Variants in ATP5F1A observed in about 807,000 individuals in gnomAD.
ATP5F1A encodes ATP synthase F(1) complex subunit alpha, mitochondrial.
In ATP5F1A, 24 loss-of-function variants were observed where a neutral mutation model predicts 57.4. That is an observed-to-expected ratio of 0.42 (90% CI 0.30 to 0.59). The LOEUF is 0.59. Among genes scored for constraint, ATP5F1A ranks in the 20% least tolerant of loss-of-function variants. The pLI is 0.19. For missense variants in ATP5F1A, 494 were observed against 707.9 expected (o/e 0.70, Z 3.43); for synonymous variants, 251 against 255.5 (o/e 0.98, Z 0.17).
intron 6 of ATP5F1A, 101 bp from the exon 7 acceptor site, chr18:46,087,593 A>G (rs903903050): frequency 1.4e-6 from 2 of 1,392,196 alleles, no homozygotes; most frequent in African/African-American, 2.9e-5. Flanking sequence ...ATTAAGAGTT[A>G]ATCAGGCCAG....
chr18:46,097,866 C>T (rs1599793456), intron 1 of ATP5F1A: 1 of 1,189,974 alleles, frequency 8.4e-7, no homozygotes, highest in East Asian at 3.8e-5. Flanking sequence ...AGAGCTAGCG[C>T]CCAAGCCCTG....
chr18:46,098,582 GGCCCCATCT>G (rs543781661), upstream of ATP5F1A, among the ~76,000 whole-genome samples: 55 of 152,252 alleles, frequency 3.6e-4, 2 homozygotes, highest in South Asian at 5.0e-3. Context: ...GCAGTTCCCA[GGCCCCATCT>G]GGTGCTAGAG....
Position 46,089,562 on chromosome 18 carries a change from T to C in ATP5F1A, c.650+4A>G, listed in dbSNP as rs143375440. The C allele has an allele frequency of 3.1e-6, 5 of 1,613,310 alleles. No homozygotes were observed. In the East Asian group the frequency reaches 8.9e-5, roughly 29 times the overall value. ...GAACTTTTAATATGCTTTTGAGTCT[T>C]TACCCAGTCTGTCGGTCACCAATAA... On this transcript the variant is annotated splice_donor_region_variant and intron_variant, in intron 5 of 11. Transcript: ENST00000398752.
rs1568244720 is a variant in ATP5F1A at position 46,086,511 on chromosome 18, TACGCACGCTAGC to T, written c.1177-29_1177-18del. The T allele has an allele frequency of 6.2e-7, 1 of 1,602,442 alleles. No individual in the cohort carries two copies. ...CAAGAAGATCTATAATGTAAGGAAATACGCACGCTAGCAAGCTTAAAGTAAGAAATCAACTAT... is the reference window on the plus strand; with the variant it reads ...CAAGAAGATCTATAATGTAAGGAAATAAGCTTAAAGTAAGAAATCAACTAT... On this transcript the variant is annotated intron_variant, in intron 8 of 11. Coordinates refer to ENST00000398752, the MANE Select transcript of ATP5F1A (RefSeq NM_004046.6).
chr18:46,104,123 A>G, intron 1 of ATP5F1A: 1 of 374,786 alleles, frequency 2.7e-6, no homozygotes, highest in Non-Finnish European at 4.7e-6. Context: ...AAAATAAAAG[A>G]AAGAAAAAAC....
At chr18:46,102,660 A>C (rs191301961), upstream of ATP5F1A, among the ~76,000 whole-genome samples, 25 of 152,266 alleles carry the variant, frequency 1.6e-4, no homozygotes, top group East Asian at 4.1e-3. Flanking sequence ...AGAATAAGCA[A>C]GACAGGCTGG....
In ATP5F1A at chr18:46,081,534, C is replaced by G. The variant is rs1308444592; in HGVS notation, c.*2748G>C. On this transcript the variant is annotated 3_prime_UTR_variant, in exon 12 of 12. Transcript: ENST00000398752. Reference sequence around the variant, plus strand: ...ACAAAATTAGCCAGGCGTGGTGGTGCATGCCTGTAATCCCAGCTACTCAGG... The same window carrying G: ...ACAAAATTAGCCAGGCGTGGTGGTGGATGCCTGTAATCCCAGCTACTCAGG... 1.3e-5 allele frequency: 2 copies of G among 151,576 alleles called. No individual in the cohort carries two copies. Among genetic ancestry groups the G allele is most frequent in the Non-Finnish European group, 2.9e-5 (2 of 67,970 alleles). The allele number at this position is 151,576 out of a possible 1,614,324, so 9.4% of individuals were successfully genotyped here.
intron 3 of ATP5F1A, 96 bp from the exon 4 acceptor site, chr18:46,090,092 G>GGGGGGGGGGT: frequency 2.0e-6 from 1 of 512,012 alleles, no homozygotes; most frequent in Non-Finnish European, 3.1e-6. Flanking sequence ...GGGTGGGGGG[G>GGGGGGGGGGT]GAAGCAGTAT....
At position 46,091,688 on chromosome 18, in the gene ATP5F1A, G is replaced by A. The variant is rs758388480; in HGVS notation, c.303C>T (p.Gly101=). Residue 101 remains glycine, a synonymous_variant, in exon 3 of 12, where the codon GGC becomes GGT. Coordinates refer to ENST00000398752, the MANE Select transcript of ATP5F1A (RefSeq NM_004046.6). The part of the protein sequence containing the change: ...QAEEMVEFSS[G]LKGMSLNLEP... ...ATCTTATTTTATAATTTACCTTTAA[G>A]CCTGAAGAAAACTCTACCATTTCTT... is the stretch of plus-strand genomic sequence containing the variant. The A allele has an allele frequency of 1.9e-6, 3 of 1,597,670 alleles. No homozygotes were observed. In the South Asian group the frequency reaches 3.4e-5, roughly 18 times the overall value.
chr18:46,097,758 A>G, intron 1 of ATP5F1A: 1 of 954,656 alleles, frequency 1.0e-6, no homozygotes, highest in Non-Finnish European at 1.3e-6. Context: ...TCCACTGACT[A>G]GCTTCAACAA....
At chr18:46,102,997 C>T (rs1308842959), upstream of ATP5F1A, among the ~76,000 whole-genome samples, 1 of 151,800 alleles carries the variant, frequency 6.6e-6, no homozygotes, top group African/African-American at 2.4e-5. Flanking sequence ...TAGTAAGTTT[C>T]CTTTGAAAAG....
intron 6 of ATP5F1A, 84 bp downstream of exon 6, chr18:46,088,025 T>G: frequency 6.8e-7 from 1 of 1,461,624 alleles, no homozygotes; most frequent in Non-Finnish European, 9.3e-7. Context: ...AATTAAAATA[T>G]GCCTTCATTA....
At chr18:46,098,362 A>AACCCCCCC (rs1555696620), upstream of ATP5F1A, 119 of 1,192,956 alleles carry the variant, frequency 1.0e-4, no homozygotes, top group Middle Eastern at 3.1e-4. Flanking sequence ...CCTCGCGTTC[A>AACCCCCCC]CCACCTCTCC....
intron 1 of ATP5F1A, 62 bp downstream of exon 1, chr18:46,098,110 G>GGCGCACCACCACCCT (rs1310333065): frequency 6.5e-7 from 1 of 1,540,224 alleles, no homozygotes; most frequent in Non-Finnish European, 8.7e-7. Flanking sequence ...CGCCCGAGCC[G>GGCGCACCACCACCCT]GCGCACCACC....
At chr18:46,100,770 T>C (rs1911252027), upstream of ATP5F1A, among the ~76,000 whole-genome samples, 1 of 152,150 alleles carries the variant, frequency 6.6e-6, no homozygotes, top group Non-Finnish European at 1.5e-5. Context: ...AGCAGCTAAT[T>C]AGATAAAACT....
upstream of ATP5F1A, chr18:46,098,468 A>C: frequency 4.0e-6 from 5 of 1,239,282 alleles, no homozygotes; most frequent in South Asian, 1.9e-5. Flanking sequence ...GATTAGATAT[A>C]TTCCGGCTTT....
At chr18:46,093,765 A>T (rs1392782035) in intron 2 of ATP5F1A, among the ~76,000 whole-genome samples, 1 of 152,052 alleles carries the variant, frequency 6.6e-6, no homozygotes, top group Non-Finnish European at 1.5e-5. Context: ...TGGAGGTTGC[A>T]GTGAGCTGAG....
rs577176974 is a variant in ATP5F1A, at chr18:46,095,505, C to T, written c.61-374G>A. ...TAATTTTTTATATTTTTAGTAGAGA[C>T]GGGGTTTCACCATGCTGGCCAGGCT... On this transcript the variant is annotated intron_variant, in intron 1 of 11. Transcript: ENST00000398752. Among the ~76,000 whole-genome samples, 50 of 151,846 alleles carry T rather than the reference C, an allele frequency of 3.3e-4. 1 individual carries two copies. The highest frequency in any genetic ancestry group is 1.1e-3 in the African/African-American group (46 of 41,398).
At chr18:46,086,972 C>A in intron 8 of ATP5F1A, 36 bp downstream of exon 8, 3 of 1,599,264 alleles carry the variant, frequency 1.9e-6, no homozygotes, top group South Asian at 2.2e-5. Context: ...TTATCCAAAT[C>A]TTTTTTAACA....
Sources: allele counts gnomAD v4.1 joint callset (sites outside exome capture counted in the v4.1 genomes callset), GRCh38; gene constraint gnomAD v4.1.1; transcripts MANE v1.5; gene names NCBI Gene and HGNC (gene_info 2026-07-23, HGNC 2026-07-21).